The following PPARGC1A variants were observed in gnomAD, a reference collection of about 807,000 sequenced individuals.
The protein encoded by PPARGC1A is peroxisome proliferator-activated receptor gamma coactivator 1-alpha.
In PPARGC1A, 25 loss-of-function variants were observed where a neutral mutation model predicts 88.7. The ratio of observed to expected loss-of-function variants is 0.28; its 90% CI spans 0.21 to 0.39. The LOEUF is 0.39. Among genes scored for constraint, PPARGC1A ranks in the 10% least tolerant of loss-of-function variants. The pLI is 1.00. For synonymous variants in PPARGC1A, 363 were observed against 355.6 expected (o/e 1.02, Z -0.24); for missense variants, 880 against 968.7 (o/e 0.91, Z 1.22).
At chr4:24,248,120 C>T in the PPARGC1A span, among the ~76,000 whole-genome samples, 1 of 152,116 alleles carries the variant, frequency 6.6e-6, no homozygotes, top group South Asian at 2.1e-4. Flanking sequence ...ATTTCTTTCT[C>T]TTTTTTCTTT....
the PPARGC1A span, among the ~76,000 whole-genome samples, chr4:24,260,537 A>AT: frequency 6.6e-6 from 1 of 152,218 alleles, no homozygotes; most frequent in Non-Finnish European, 1.5e-5. Flanking sequence ...CAACATGGGA[A>AT]TCGCTAATGG....
chr4:24,020,650 G>A, the PPARGC1A span, among the ~76,000 whole-genome samples: 21 of 152,156 alleles, frequency 1.4e-4, no homozygotes, highest in East Asian at 2.1e-3. Flanking sequence ...TGATTTCACA[G>A]CTCCTCTGTC....
At chr4:24,131,100 A>G in the PPARGC1A span, among the ~76,000 whole-genome samples, 2 of 152,214 alleles carry the variant, frequency 1.3e-5, no homozygotes, top group African/African-American at 2.4e-5. Context: ...TTCTCTTTCT[A>G]CTGAACTGTT....
At chr4:24,419,124 G>C in the PPARGC1A span, among the ~76,000 whole-genome samples, 9 of 152,092 alleles carry the variant, frequency 5.9e-5, no homozygotes, top group East Asian at 3.9e-4. Context: ...AGAAGCAGGA[G>C]AGGGGGCTGG....
the PPARGC1A span, among the ~76,000 whole-genome samples, chr4:24,107,722 T>C: frequency 2.0e-5 from 3 of 152,322 alleles, no homozygotes; most frequent in African/African-American, 7.2e-5. Context: ...TGTGTACAGT[T>C]GGTTCTGCAG....
chr4:23,973,568 A>G, the PPARGC1A span, among the ~76,000 whole-genome samples: 1 of 152,236 alleles, frequency 6.6e-6, no homozygotes, highest in African/African-American at 2.4e-5. Context: ...CATTTATTCT[A>G]TGCATGATTT....
At chr4:24,431,146 A>G in the PPARGC1A span, among the ~76,000 whole-genome samples, 2 of 143,456 alleles carry the variant, frequency 1.4e-5, no homozygotes, top group Non-Finnish European at 3.0e-5. Flanking sequence ...AAAAAAAGAG[A>G]AAAAAAAAAG....
the PPARGC1A span, among the ~76,000 whole-genome samples, chr4:23,930,443 G>A: frequency 6.6e-6 from 1 of 152,132 alleles, no homozygotes; most frequent in Non-Finnish European, 1.5e-5. Context: ...TCTCCAGCTA[G>A]CACTTCAACA....
At chr4:24,314,049 T>A in the PPARGC1A span, among the ~76,000 whole-genome samples, 2 of 152,324 alleles carry the variant, frequency 1.3e-5, no homozygotes, top group South Asian at 4.1e-4. Flanking sequence ...AAAAACTGCA[T>A]GTGAAAAGTG....
chr4:24,270,598 C>A, the PPARGC1A span, among the ~76,000 whole-genome samples: 4 of 152,128 alleles, frequency 2.6e-5, no homozygotes, highest in African/African-American at 7.2e-5. Context: ...AGAAAAAAAT[C>A]TCTTTAATTC....
At chr4:24,113,629 A>G in the PPARGC1A span, among the ~76,000 whole-genome samples, 10 of 152,122 alleles carry the variant, frequency 6.6e-5, no homozygotes, top group Admixed American at 2.6e-4. Flanking sequence ...GTTCTGGCCA[A>G]TGAAATTTAG....
the PPARGC1A span, among the ~76,000 whole-genome samples, chr4:24,241,274 T>C: frequency 1.3e-5 from 2 of 152,102 alleles, no homozygotes; most frequent in Non-Finnish European, 2.9e-5. Context: ...AATACTTTTG[T>C]AAAAGAAAAA....
chr4:23,850,764 C>T (rs557231306), intron 2 of PPARGC1A, among the ~76,000 whole-genome samples: 14 of 151,978 alleles, frequency 9.2e-5, no homozygotes, highest in Non-Finnish European at 1.8e-4. Context: ...CACCTTTTTA[C>T]GTATGAGAAA....
the PPARGC1A span, among the ~76,000 whole-genome samples, chr4:24,447,342 G>C: frequency 6.6e-6 from 1 of 152,158 alleles, no homozygotes; most frequent in African/African-American, 2.4e-5. Context: ...ATGGAACTAA[G>C]TCAACCAGAG....
At chr4:23,857,373 GA>G (rs1234309448) in intron 2 of PPARGC1A, among the ~76,000 whole-genome samples, 1 of 104,452 alleles carries the variant, frequency 9.6e-6, no homozygotes, top group African/African-American at 4.0e-5. Context: ...GTGTGTGTGT[GA>G]CACACACACA....
At chr4:24,369,845 G>A in the PPARGC1A span, among the ~76,000 whole-genome samples, 3 of 152,180 alleles carry the variant, frequency 2.0e-5, no homozygotes, top group Admixed American at 2.0e-4. Flanking sequence ...GTTAGCAGGG[G>A]CTGGGCAAGT....
rs1291192274 is a variant in PPARGC1A, at chr4:23,802,304, G to A, written c.2061C>T (p.Asp687=). ...GGTCCCTCAGTTCTGTCCGTGTTGT[G>A]TCAGGTCTGATTTTACCGACATAAA... ...RVIYVGKIRP[D]TTRTELRDRF... Residue 687 remains aspartate, a synonymous_variant, in exon 11 of 13, where the codon GAC becomes GAT. Coordinates refer to ENST00000264867, the MANE Select transcript of PPARGC1A (RefSeq NM_013261.5). 1 of 1,613,562 alleles carries A rather than the reference G, an allele frequency of 6.2e-7. No individual in the cohort carries two copies. Among genetic ancestry groups the A allele is most frequent in the South Asian group, 1.1e-5 (1 of 91,050 alleles).
chr4:24,285,823 C>T, the PPARGC1A span, among the ~76,000 whole-genome samples: 3 of 152,188 alleles, frequency 2.0e-5, no homozygotes, highest in African/African-American at 4.8e-5. Flanking sequence ...TTCCCCACCA[C>T]TTCCAATGCA....
At chr4:24,137,355 T>G in the PPARGC1A span, among the ~76,000 whole-genome samples, 2 of 151,996 alleles carry the variant, frequency 1.3e-5, no homozygotes, top group African/African-American at 2.4e-5. Flanking sequence ...TACATAAATT[T>G]CTGTTGCTTA....
Sources: allele counts gnomAD v4.1 joint callset (sites outside exome capture counted in the v4.1 genomes callset), GRCh38; gene constraint gnomAD v4.1.1; transcripts MANE v1.5; gene names NCBI Gene and HGNC (gene_info 2026-07-23, HGNC 2026-07-21).